The following ATXN7L1 variants were observed in gnomAD, a reference collection of about 807,000 sequenced individuals.
ATXN7L1 encodes the protein ataxin-7-like protein 1.
Under a neutral mutation model 70.8 loss-of-function variants are expected in ATXN7L1, and 15 were observed. The ratio of observed to expected loss-of-function variants is 0.21; its 90% CI spans 0.14 to 0.33. ATXN7L1 has a LOEUF of 0.33. ATXN7L1 is among the 10% of genes least tolerant of loss of function. The probability of loss-of-function intolerance (pLI) is 1.00; values close to 1 mark genes in which losing one functional copy is unlikely to be tolerated. For synonymous variants in ATXN7L1, 440 were observed against 445.1 expected, an observed-to-expected ratio of 0.99 and a Z score of 0.14; for missense variants, 975 against 1,097.1, an observed-to-expected ratio of 0.89 and a Z score of 1.57.
chr7:105,802,023 A>G (rs1482620477), intron 2 of ATXN7L1, among the ~76,000 whole-genome samples: 1 of 152,024 alleles, frequency 6.6e-6, no homozygotes, highest in African/African-American at 2.4e-5. Flanking sequence ...GTGTCTGAAA[A>G]CCTTCCTAAG....
At chr7:105,757,462 G>T (rs1799941423) in intron 3 of ATXN7L1, among the ~76,000 whole-genome samples, 1 of 149,746 alleles carries the variant, frequency 6.7e-6, no homozygotes, top group Non-Finnish European at 1.5e-5. Context: ...TTATTATGAT[G>T]TGTGCATTTA....
At chr7:105,649,310 CTCA>C in intron 4 of ATXN7L1, 1 of 952,890 alleles carries the variant, frequency 1.0e-6, no homozygotes, top group Non-Finnish European at 1.2e-6. Flanking sequence ...TAGTTCTCTC[CTCA>C]TCATCTCTGT....
chr7:105,772,063 ATTTTTTT>A (rs533366742), intron 3 of ATXN7L1, among the ~76,000 whole-genome samples: 9 of 99,788 alleles, frequency 9.0e-5, no homozygotes, highest in African/African-American at 3.3e-4. Flanking sequence ...TCAGATTGGA[ATTTTTTT>A]TTTTTTTTTT....
chr7:105,747,143 G>A (rs1798676673), intron 3 of ATXN7L1, among the ~76,000 whole-genome samples: 2 of 152,190 alleles, frequency 1.3e-5, no homozygotes, highest in Admixed American at 6.5e-5. Context: ...TGATGGCAGC[G>A]GGTAAGTAGC....
intron 3 of ATXN7L1, among the ~76,000 whole-genome samples, chr7:105,720,827 G>T (rs553010777): frequency 5.9e-5 from 9 of 152,184 alleles, no homozygotes; most frequent in African/African-American, 2.2e-4. Flanking sequence ...GAAAATTCCA[G>T]GGCACTCTAC....
chr7:105,661,835 A>G (rs1483312039), intron 4 of ATXN7L1, among the ~76,000 whole-genome samples: 1 of 152,158 alleles, frequency 6.6e-6, no homozygotes, highest in Non-Finnish European at 1.5e-5. Flanking sequence ...TTCATGGTGC[A>G]CCACTGGTTC....
chr7:105,612,992 G>A (rs185888502), intron 10 of ATXN7L1, among the ~76,000 whole-genome samples: 75 of 152,044 alleles, frequency 4.9e-4, no homozygotes, highest in African/African-American at 1.6e-3. Flanking sequence ...CGGCCCTCTC[G>A]TCAGACCTGG....
intron 7 of ATXN7L1, among the ~76,000 whole-genome samples, chr7:105,635,848 T>G (rs1797277285): frequency 6.6e-6 from 1 of 152,050 alleles, no homozygotes; most frequent in Non-Finnish European, 1.5e-5. Context: ...GCGATAGTTT[T>G]TTTTTTTTTT....
intron 3 of ATXN7L1, among the ~76,000 whole-genome samples, chr7:105,676,744 G>C (rs1804716344): frequency 6.6e-6 from 1 of 152,122 alleles, no homozygotes; most frequent in Admixed American, 6.5e-5. Context: ...GGAGGCCGAG[G>C]CAGGAGAATC....
At chr7:105,745,366 T>G (rs541078587) in intron 3 of ATXN7L1, among the ~76,000 whole-genome samples, 3 of 152,308 alleles carry the variant, frequency 2.0e-5, no homozygotes, top group African/African-American at 7.2e-5. Context: ...CACAATTGAT[T>G]ACACTCTTTC....
At chr7:105,779,355 A>G (rs1803210509) in intron 3 of ATXN7L1, among the ~76,000 whole-genome samples, 1 of 152,236 alleles carries the variant, frequency 6.6e-6, no homozygotes, top group African/African-American at 2.4e-5. Context: ...TTTATCCTGC[A>G]TTAGGGGAGT....
At chr7:105,667,282 C>T (rs930434523) in intron 3 of ATXN7L1, among the ~76,000 whole-genome samples, 1 of 152,172 alleles carries the variant, frequency 6.6e-6, no homozygotes, top group Non-Finnish European at 1.5e-5. Flanking sequence ...CAGGGTGCCT[C>T]TGTGCTGAGT....
chr7:105,730,403 A>G (rs532994546), intron 3 of ATXN7L1, among the ~76,000 whole-genome samples: 1 of 152,194 alleles, frequency 6.6e-6, no homozygotes, highest in African/African-American at 2.4e-5. Context: ...TATTTAAAAA[A>G]AAAACAAGGA....
At chr7:105,809,601 T>C (rs1052887470) in intron 2 of ATXN7L1, among the ~76,000 whole-genome samples, 5 of 152,228 alleles carry the variant, frequency 3.3e-5, no homozygotes, top group Non-Finnish European at 7.3e-5. Context: ...ACTGACATGG[T>C]ACTCACTGTT....
intron 3 of ATXN7L1, among the ~76,000 whole-genome samples, chr7:105,673,473 C>T (rs1258084700): frequency 1.3e-5 from 2 of 152,244 alleles, no homozygotes; most frequent in Non-Finnish European, 2.9e-5. Context: ...CAGCACCTGG[C>T]TTACTCACTT....
intron 2 of ATXN7L1, among the ~76,000 whole-genome samples, chr7:105,819,039 C>G (rs999581075): frequency 1.6e-4 from 24 of 151,918 alleles, no homozygotes; most frequent in Non-Finnish European, 2.2e-4. Context: ...CCCCAGCCCC[C>G]CACCCCCGGA....
At chr7:105,718,035 G>C (rs933921595) in intron 3 of ATXN7L1, among the ~76,000 whole-genome samples, 1 of 152,126 alleles carries the variant, frequency 6.6e-6, no homozygotes, top group Admixed American at 6.5e-5. Context: ...GCATTAAAAC[G>C]TTCTTTTGGT....
intron 3 of ATXN7L1, among the ~76,000 whole-genome samples, chr7:105,678,775 G>C (rs1479419424): frequency 2.2e-4 from 33 of 152,120 alleles, no homozygotes; most frequent in Admixed American, 2.2e-3. Flanking sequence ...CCGGAGGCTG[G>C]TGCCTCCAGA....
chr7:105,642,211 T>C (rs771500079), intron 5 of ATXN7L1, among the ~76,000 whole-genome samples: 1 of 152,206 alleles, frequency 6.6e-6, no homozygotes, highest in Non-Finnish European at 1.5e-5. Context: ...CCCAAGTGTC[T>C]GCTCAGACAA....
Sources: allele counts gnomAD v4.1 joint callset (sites outside exome capture counted in the v4.1 genomes callset), GRCh38; gene constraint gnomAD v4.1.1; transcripts MANE v1.5; gene names NCBI Gene and HGNC (gene_info 2026-07-23, HGNC 2026-07-21).